HDAC9: variants seen among roughly 807,000 people sequenced by gnomAD.
HDAC9 encodes histone deacetylase 9.
A neutral mutation model predicts 139.4 loss-of-function variants in HDAC9; 41 were observed. That is an observed-to-expected ratio of 0.29 (90% CI 0.23 to 0.38). HDAC9 has a LOEUF of 0.38. Ranked by LOEUF, HDAC9 falls within the 10% of genes least tolerant of loss-of-function variation. The pLI is 1.00. For missense variants in HDAC9, 1,147 were observed against 1,297.0 expected, an observed-to-expected ratio of 0.88 and a Z score of 1.78; for synonymous variants, 517 against 476.2, an observed-to-expected ratio of 1.09 and a Z score of -1.12.
intron 12 of HDAC9, among the ~76,000 whole-genome samples, chr7:18,700,316 AT>A (rs1216236278): frequency 1.3e-5 from 2 of 152,194 alleles, no homozygotes; most frequent in African/African-American, 4.8e-5. Flanking sequence ...AGTTGTCTTT[AT>A]CGTCTTAACT....
At chr7:18,589,947 T>A (rs964134200) in intron 3 of HDAC9, among the ~76,000 whole-genome samples, 2 of 152,174 alleles carry the variant, frequency 1.3e-5, no homozygotes, top group African/African-American at 4.8e-5. Context: ...GAATGGAAGA[T>A]TTCAGTTGTT....
upstream of HDAC9, among the ~76,000 whole-genome samples, chr7:18,492,069 T>A (rs1586266051): frequency 6.6e-6 from 1 of 152,128 alleles, no homozygotes; most frequent in Non-Finnish European, 1.5e-5. Context: ...ATGATGCAAC[T>A]AACATGATGC....
At chr7:18,318,856 A>G (rs896159689) in intron 1 of HDAC9, among the ~76,000 whole-genome samples, 6 of 152,218 alleles carry the variant, frequency 3.9e-5, no homozygotes, top group African/African-American at 9.6e-5. Flanking sequence ...ATGTAAAAAC[A>G]TAACGACTAG....
chr7:18,966,507 C>A (rs758497572), intron 24 of HDAC9, among the ~76,000 whole-genome samples: 81 of 152,066 alleles, frequency 5.3e-4, no homozygotes, highest in Non-Finnish European at 1.0e-3. Flanking sequence ...TCAAGACCAG[C>A]CTGCCACCAT....
At chr7:18,300,540 A>G (rs751239037) in intron 1 of HDAC9, among the ~76,000 whole-genome samples, 19 of 152,208 alleles carry the variant, frequency 1.2e-4, no homozygotes, top group Admixed American at 3.9e-4. Context: ...AAGCAGTTTA[A>G]CAATATGTTA....
intron 25 of HDAC9, among the ~76,000 whole-genome samples, chr7:18,977,919 G>GACAC (rs147049392): frequency 0.3 from 42,548 of 140,576 alleles, 6,518 homozygotes; most frequent in East Asian, 0.45. Context: ...CAGACAGACA[G>GACAC]ACACACACAC....
intron 24 of HDAC9, among the ~76,000 whole-genome samples, chr7:18,965,469 T>C (rs1783783292): frequency 6.6e-6 from 1 of 152,200 alleles, no homozygotes; most frequent in African/African-American, 2.4e-5. Context: ...TTGGTTTGGC[T>C]TCTACCAGAA....
intron 13 of HDAC9, among the ~76,000 whole-genome samples, chr7:18,740,900 G>A (rs1787388219): frequency 6.6e-6 from 1 of 152,174 alleles, no homozygotes; most frequent in Admixed American, 6.5e-5. Context: ...AGTGGTCTTG[G>A]TAGATCAAAC....
chr7:18,947,297 GA>G (rs1208161414), intron 23 of HDAC9, among the ~76,000 whole-genome samples: 1 of 151,932 alleles, frequency 6.6e-6, no homozygotes, highest in Non-Finnish European at 1.5e-5. Context: ...ATATATGTAA[GA>G]TTTTTAAAGT....
chr7:18,927,203 C>T (rs1027235791), intron 22 of HDAC9, among the ~76,000 whole-genome samples: 22 of 152,176 alleles, frequency 1.4e-4, no homozygotes, highest in East Asian at 3.9e-4. Flanking sequence ...TTTATGGTAG[C>T]GACAATGGTT....
rs1400467478 is a variant in HDAC9, at chr7:18,999,206, GC to G, written c.*3147del. On this transcript the variant is annotated 3_prime_UTR_variant, in exon 26 of 26. Coordinates refer to ENST00000686413, the MANE Select transcript of HDAC9 (RefSeq NM_178425.4). ...AATATTGCCTTCAGTTTTTACTCCA[GC>G]CCTATACGACACTCTCACTAACCTT... 1 of 152,134 alleles carries G rather than the reference GC, an allele frequency of 6.6e-6. No homozygotes were observed. The highest frequency in any genetic ancestry group is 1.5e-5 in the Non-Finnish European group (1 of 68,020). The allele number at this position is 152,134 out of a possible 1,614,324, so 9.4% of individuals were successfully genotyped here. A position where few individuals can be genotyped will look rare whatever the true frequency, so the allele number is the denominator to read the frequency against.
At chr7:18,483,592 C>T (rs188309075) in intron 1 of HDAC9, among the ~76,000 whole-genome samples, 37 of 152,198 alleles carry the variant, frequency 2.4e-4, no homozygotes, top group African/African-American at 8.7e-4. Context: ...CCAGGTCGCC[C>T]TATGTTAAGA....
In HDAC9 at chr7:18,585,285, T is replaced by G. The variant is rs1829126543; in HGVS notation, c.27T>G (p.Asp9Glu). The change falls in exon 3 of 26, where the codon GAT becomes GAG. Residue 9 changes from aspartate to glutamate, a missense_variant. This residue lies in a region of HDAC9 where 136 missense variants were observed against 183.5 expected (regional missense o/e 0.74). Transcript: ENST00000686413. Reference protein sequence around the residue: MHSMISSVDVKSEVPVGLE... With the variant: MHSMISSVEVKSEVPVGLE... ...CCTTTTTTTCTGGTTCTTTAGTGGA[T>G]GTGAAGTCAGAAGTTCCTGTGGGCC... The G allele has an allele frequency of 6.2e-7, 1 of 1,613,306 alleles. No individual in the cohort carries two copies. Among genetic ancestry groups the G allele is most frequent in the Admixed American group, 1.7e-5 (1 of 59,954 alleles).
chr7:18,154,244 G>A (rs1016689295), intron 1 of HDAC9, among the ~76,000 whole-genome samples: 1 of 151,894 alleles, frequency 6.6e-6, no homozygotes, highest in Non-Finnish European at 1.5e-5. Flanking sequence ...AGTAAACATG[G>A]TATATTCACA....
intron 17 of HDAC9, among the ~76,000 whole-genome samples, chr7:18,802,449 T>C (rs775016466): frequency 6.6e-6 from 1 of 151,966 alleles, no homozygotes; most frequent in Non-Finnish European, 1.5e-5. Flanking sequence ...TGTAAAATGT[T>C]CTTTGTGTGC....
chr7:18,201,128 G>A (rs989501864), intron 2 of HDAC9, among the ~76,000 whole-genome samples: 1 of 152,072 alleles, frequency 6.6e-6, no homozygotes, highest in East Asian at 1.9e-4. Flanking sequence ...GCAACAGAAC[G>A]GGTCTCTGCA....
At chr7:18,769,774 T>C (rs1390426477) in intron 16 of HDAC9, among the ~76,000 whole-genome samples, 1 of 152,088 alleles carries the variant, frequency 6.6e-6, no homozygotes, top group African/African-American at 2.4e-5. Flanking sequence ...CCAGACAGAT[T>C]AGCTATACAC....
At chr7:18,576,473 C>T (rs1016885550) in intron 2 of HDAC9, among the ~76,000 whole-genome samples, 2 of 151,832 alleles carry the variant, frequency 1.3e-5, no homozygotes, top group Non-Finnish European at 2.9e-5. Context: ...ACCAGCTTGG[C>T]AAATGTAGTA....
intron 12 of HDAC9, among the ~76,000 whole-genome samples, chr7:18,713,947 G>T (rs531641572): frequency 1.3e-5 from 2 of 152,210 alleles, no homozygotes; most frequent in East Asian, 1.9e-4. Flanking sequence ...ATATATTAAT[G>T]ATCAATTTCC....
Sources: gnomAD v4.1 joint callset for allele counts (sites outside exome capture counted in the v4.1 genomes callset) on GRCh38, gnomAD v4.1.1 for gene constraint, gnomAD v4.1.1 regional missense constraint, MANE v1.5 for transcripts, NCBI Gene and HGNC (gene_info 2026-07-23, HGNC 2026-07-21) for gene names.